XRCC4: variants seen among roughly 807,000 people sequenced by gnomAD.
The protein encoded by XRCC4 is X-ray repair cross complementing 4, also known as DNA repair protein XRCC4.
In XRCC4, 28 loss-of-function variants were observed where a neutral mutation model predicts 39.1. The observed-to-expected ratio is 0.72, with a 90% CI of 0.53 to 0.98. The LOEUF is 0.98. Ranked by LOEUF, XRCC4 falls within the 50% of genes least tolerant of loss-of-function variation. XRCC4 has a pLI of 0.00. For missense variants in XRCC4, 350 were observed against 376.4 expected, an observed-to-expected ratio of 0.93 and a Z score of 0.58; for synonymous variants, 123 against 126.4, an observed-to-expected ratio of 0.97 and a Z score of 0.18.
intron 1 of XRCC4, among the ~76,000 whole-genome samples, chr5:83,089,034 G>A (rs958923394): frequency 6.6e-6 from 1 of 152,196 alleles, no homozygotes; most frequent in Non-Finnish European, 1.5e-5. Flanking sequence ...TCTTTTAGCT[G>A]TGTGACCTTG....
intron 3 of XRCC4, among the ~76,000 whole-genome samples, chr5:83,140,085 T>A (rs1169534770): frequency 6.6e-6 from 1 of 152,218 alleles, no homozygotes; most frequent in Admixed American, 6.5e-5. Context: ...AGTATGCATG[T>A]GTATTAGGGT....
intron 1 of XRCC4, among the ~76,000 whole-genome samples, chr5:83,085,367 A>G (rs553323659): frequency 1.3e-5 from 2 of 152,336 alleles, no homozygotes; most frequent in African/African-American, 4.8e-5. Flanking sequence ...CATTGGACAC[A>G]GTATATCAAT....
chr5:83,129,928 C>G (rs955362496), intron 3 of XRCC4, among the ~76,000 whole-genome samples: 1 of 152,154 alleles, frequency 6.6e-6, no homozygotes, highest in Non-Finnish European at 1.5e-5. Context: ...GACAATTTGG[C>G]TTCCTCTTTT....
At chr5:83,209,277 A>C (rs900672649) in intron 6 of XRCC4, among the ~76,000 whole-genome samples, 7 of 152,126 alleles carry the variant, frequency 4.6e-5, no homozygotes, top group African/African-American at 1.7e-4. Context: ...AACCTCAACA[A>C]AATATGTAGT....
intron 3 of XRCC4, among the ~76,000 whole-genome samples, chr5:83,118,668 G>C (rs1388557684): frequency 6.6e-6 from 1 of 152,166 alleles, no homozygotes; most frequent in Non-Finnish European, 1.5e-5. Flanking sequence ...GTAGTCACAT[G>C]GCTTCACCTA....
At chr5:83,301,663 G>T (rs188642572) in intron 7 of XRCC4, among the ~76,000 whole-genome samples, 25 of 152,302 alleles carry the variant, frequency 1.6e-4, no homozygotes, top group Admixed American at 1.6e-3. Context: ...CCTATGCCCT[G>T]AATGGTATTG....
chr5:83,214,327 G>A (rs1486583258), intron 6 of XRCC4, among the ~76,000 whole-genome samples: 2 of 152,088 alleles, frequency 1.3e-5, no homozygotes, highest in Non-Finnish European at 2.9e-5. Context: ...AAAACTCTTA[G>A]AGCTAATAAA....
chr5:83,098,117 A>G (rs561648281), intron 1 of XRCC4, among the ~76,000 whole-genome samples: 3 of 152,270 alleles, frequency 2.0e-5, no homozygotes, highest in Admixed American at 2.0e-4. Flanking sequence ...AGAGGAAATG[A>G]GAAGTAATAT....
At chr5:83,293,763 A>T (rs1191875041) in intron 7 of XRCC4, among the ~76,000 whole-genome samples, 1 of 152,032 alleles carries the variant, frequency 6.6e-6, no homozygotes, top group Non-Finnish European at 1.5e-5. Flanking sequence ...TGTGCAACAG[A>T]TATTTTTTGA....
chr5:83,130,078 C>T (rs1179804583), intron 3 of XRCC4, among the ~76,000 whole-genome samples: 2 of 152,138 alleles, frequency 1.3e-5, no homozygotes, highest in Non-Finnish European at 2.9e-5. Flanking sequence ...AGTTTTTGCC[C>T]ATTCAGTATG....
intron 3 of XRCC4, among the ~76,000 whole-genome samples, chr5:83,166,859 T>C (rs796390858): frequency 2.0e-5 from 3 of 152,096 alleles, no homozygotes; most frequent in South Asian, 2.1e-4. Context: ...TGGTGCGAGA[T>C]AGTATCTCAT....
intron 7 of XRCC4, among the ~76,000 whole-genome samples, chr5:83,311,698 A>C (rs1755713993): frequency 6.6e-6 from 1 of 152,086 alleles, no homozygotes; most frequent in Non-Finnish European, 1.5e-5. Flanking sequence ...CATCAGAACA[A>C]AAAGTTGTAT....
chr5:83,370,411 A>G, the XRCC4 span, among the ~76,000 whole-genome samples: 12 of 152,154 alleles, frequency 7.9e-5, no homozygotes, highest in Non-Finnish European at 1.6e-4. Context: ...TTGTGGCTCA[A>G]TCAGACATGC....
At chr5:83,278,849 G>T (rs1025881915) in intron 7 of XRCC4, among the ~76,000 whole-genome samples, 1 of 150,754 alleles carries the variant, frequency 6.6e-6, no homozygotes, top group Non-Finnish European at 1.5e-5. Context: ...TTAGCTGAGC[G>T]TGGCGACGTG....
intron 7 of XRCC4, among the ~76,000 whole-genome samples, chr5:83,281,375 A>C (rs1229540763): frequency 6.6e-6 from 1 of 152,212 alleles, no homozygotes; most frequent in Non-Finnish European, 1.5e-5. Flanking sequence ...CCCTGAATTT[A>C]GTATACACAG....
intron 3 of XRCC4, among the ~76,000 whole-genome samples, chr5:83,184,056 G>A (rs1750324262): frequency 6.6e-6 from 1 of 151,870 alleles, no homozygotes; most frequent in African/African-American, 2.4e-5. Context: ...CGTAAGTAAA[G>A]TTTAAAAAAA....
intron 7 of XRCC4, among the ~76,000 whole-genome samples, chr5:83,308,299 T>A (rs1755559097): frequency 6.6e-6 from 1 of 152,174 alleles, no homozygotes; most frequent in Admixed American, 6.5e-5. Flanking sequence ...GACATAAATA[T>A]CATGGAGAGA....
intron 4 of XRCC4, chr5:83,201,932 C>T: frequency 6.6e-6 from 1 of 152,058 alleles, no homozygotes; most frequent in Non-Finnish European, 1.5e-5. Context: ...ATCTCAGCTA[C>T]TCGGGAGGCT....
At chr5:83,232,390 T>G (rs1323793720) in intron 6 of XRCC4, among the ~76,000 whole-genome samples, 3 of 152,040 alleles carry the variant, frequency 2.0e-5, no homozygotes, top group Non-Finnish European at 4.4e-5. Context: ...AGCCAACAAT[T>G]TTCATCAAAT....
Sources: gnomAD v4.1 joint callset for allele counts (sites outside exome capture counted in the v4.1 genomes callset) on GRCh38, gnomAD v4.1.1 for gene constraint, MANE v1.5 for transcripts, NCBI Gene and HGNC (gene_info 2026-07-23, HGNC 2026-07-21) for gene names.